ST6GALNAC4: variants seen among roughly 807,000 people sequenced by gnomAD.
The protein encoded by ST6GALNAC4 is ST6 N-acetylgalactosaminide alpha-2,6-sialyltransferase 4, also known as alpha-N-acetyl-neuraminyl-2,3-beta-galactosyl-1,3-N-acetyl-galactosaminide alpha-2,6-sialyltransferase.
Under a neutral mutation model 30.4 loss-of-function variants are expected in ST6GALNAC4, and 24 were observed. That is an observed-to-expected ratio of 0.79 (90% CI 0.57 to 1.11). ST6GALNAC4 has a LOEUF of 1.11. Among genes scored for constraint, ST6GALNAC4 ranks in the 50% most tolerant of loss-of-function variants. The pLI is 0.00. For missense variants in ST6GALNAC4, 365 were observed against 430.1 expected, an observed-to-expected ratio of 0.85 and a Z score of 1.34; for synonymous variants, 156 against 179.7, an observed-to-expected ratio of 0.87 and a Z score of 1.05.
intron 3 of ST6GALNAC4, 139 bp downstream of exon 3, chr9:127,914,517 A>G: frequency 3.9e-6 from 2 of 511,692 alleles, no homozygotes; most frequent in Non-Finnish European, 3.1e-6. Flanking sequence ...AAAAAAAAAA[A>G]AAGAACCTAG....
rs567070989 is a variant in ST6GALNAC4 at position 127,909,864 on chromosome 9, C to T, written c.719+87G>A. 14 of 1,327,438 alleles carry T rather than the reference C, an allele frequency of 1.1e-5. No individual in the cohort carries two copies. The East Asian group carries it at 2.7e-4, about 25-fold the overall frequency. 82.2% of individuals were successfully genotyped at this position (1,327,438 alleles called of 1,614,324 possible). ...CATGAAGCCCACACTCCCTCTGCCCCCACAGCTCCCAAATCCTCTGGTTTA... is the reference window on the plus strand; with the variant it reads ...CATGAAGCCCACACTCCCTCTGCCCTCACAGCTCCCAAATCCTCTGGTTTA... On this transcript the variant is annotated intron_variant, in intron 5 of 5. Coordinates refer to ENST00000335791, the MANE Select transcript of ST6GALNAC4 (RefSeq NM_175039.4).
chr9:127,914,771 GC>G lies in ST6GALNAC4; in HGVS notation c.82del (p.Ala28ProfsTer76), dbSNP rs1831158599. ...GGTGGCCAGGCAGAGGGGCAGGCCG[GC>G]CCAGCAGCACAGGAGGATGTAGACG... ...SAVYILLCCW[A>X]GLPLCLATCL... On this transcript the variant is annotated frameshift_variant, in exon 3 of 6. Coordinates refer to ENST00000335791, the MANE Select transcript of ST6GALNAC4 (RefSeq NM_175039.4). LOFTEE classifies it high-confidence loss of function. 1 of 1,604,746 alleles carries G rather than the reference GC, an allele frequency of 6.2e-7. No individual in the cohort carries two copies. Among genetic ancestry groups the G allele is most frequent in the Admixed American group, 1.7e-5 (1 of 58,774 alleles).
intron 3 of ST6GALNAC4, among the ~76,000 whole-genome samples, chr9:127,913,884 C>A (rs1425045152): frequency 6.6e-6 from 1 of 152,214 alleles, no homozygotes; most frequent in Non-Finnish European, 1.5e-5. Flanking sequence ...CCAGGATGTA[C>A]CCCGGCCTGC....
intron 2 of ST6GALNAC4, chr9:127,916,089 C>T (rs1357654301): frequency 1.0e-5 from 5 of 488,232 alleles, no homozygotes; most frequent in Admixed American, 3.5e-5. Flanking sequence ...TCTCACAGCC[C>T]GGGGCTTCTG....
At chr9:127,910,941 G>A (rs1201086923) in intron 4 of ST6GALNAC4, among the ~76,000 whole-genome samples, 1 of 152,226 alleles carries the variant, frequency 6.6e-6, no homozygotes, top group Non-Finnish European at 1.5e-5. Flanking sequence ...GAATGCCAGG[G>A]CGGGAGGCAC....
intron 4 of ST6GALNAC4, 90 bp from the exon 5 acceptor site, chr9:127,910,148 C>A: frequency 7.0e-7 from 1 of 1,438,844 alleles, no homozygotes; most frequent in Non-Finnish European, 9.3e-7. Flanking sequence ...TTTGCCAGCC[C>A]GGGGCTATGC....
In ST6GALNAC4 at chr9:127,908,603, TG is replaced by T. The variant is rs752451366; in HGVS notation, c.720-23del. 2.6e-6 allele frequency: 4 copies of T among 1,528,030 alleles called. No homozygotes were observed. The East Asian group carries it at 9.3e-5, about 36-fold the overall frequency. The allele number at this position is 1,528,030 out of a possible 1,614,324, so 94.7% of individuals were successfully genotyped here. On this transcript the variant is annotated intron_variant, in intron 5 of 5. Transcript: ENST00000335791. ...CTCCCTGCGGGGTGGGGAACAGGGCTGGGGTGGGACAGAACCCACTCGCCTC... is the reference window on the plus strand; with the variant it reads ...CTCCCTGCGGGGTGGGGAACAGGGCTGGGTGGGACAGAACCCACTCGCCTC...
chr9:127,916,802 G>A, intron 1 of ST6GALNAC4, 24 bp downstream of exon 1: 1 of 329,182 alleles, frequency 3.0e-6, no homozygotes, highest in Non-Finnish European at 5.7e-6. Flanking sequence ...CCAGAAGCCC[G>A]GAATTCCACC....
chr9:127,915,938 G>C (rs945393289), intron 2 of ST6GALNAC4: 9 of 162,830 alleles, frequency 5.5e-5, no homozygotes, highest in African/African-American at 2.2e-4. Context: ...AGCTACGTCA[G>C]CTTCTAAAAA....
intron 3 of ST6GALNAC4, among the ~76,000 whole-genome samples, chr9:127,914,118 G>C (rs1428259490): frequency 6.6e-6 from 1 of 151,736 alleles, no homozygotes; most frequent in Non-Finnish European, 1.5e-5. Context: ...TTCTTGGGCG[G>C]GCGTGGTGGC....
rs771790374 is a variant in ST6GALNAC4 at position 127,909,256 on chromosome 9, GCA to G, written c.720-677_720-676del. ...TACAAAAAATTAGCTGGGCGTGGTG[GCA>G]CGTGCCTGTAATCCCAGCGACTAGG... On this transcript the variant is annotated intron_variant, in intron 5 of 5. Coordinates refer to ENST00000335791, the MANE Select transcript of ST6GALNAC4 (RefSeq NM_175039.4). Among the ~76,000 whole-genome samples, 6 of 152,080 alleles carry G rather than the reference GCA, an allele frequency of 3.9e-5. No homozygotes were observed. In the East Asian group the frequency reaches 5.8e-4, roughly 15 times the overall value.
intron 4 of ST6GALNAC4, among the ~76,000 whole-genome samples, chr9:127,911,913 G>A (rs575410808): frequency 5.3e-5 from 8 of 152,312 alleles, no homozygotes; most frequent in East Asian, 3.9e-4. Flanking sequence ...GTGAGCCACC[G>A]CACCCGGCCT....
chr9:127,912,780 G>T, intron 3 of ST6GALNAC4, 100 bp from the exon 4 acceptor site: 1 of 1,383,598 alleles, frequency 7.2e-7, no homozygotes, highest in Non-Finnish European at 9.5e-7. Flanking sequence ...GCTTGATCAG[G>T]TATCGGCTTG....
At position 127,914,490 on chromosome 9, in the gene ST6GALNAC4, C is replaced by CAAAAAAAAAAAA. The variant is rs60857050; in HGVS notation, c.198+154_198+165dup. 1.0e-4 allele frequency among the ~76,000 whole-genome samples: 5 copies of CAAAAAAAAAAAA among 50,120 alleles called. 1 individual carries two copies. The highest frequency in any genetic ancestry group is 1.6e-4 in the Non-Finnish European group (5 of 31,558). The allele number at this position is 50,120 out of a possible 152,430, so 32.9% of individuals were successfully genotyped here. On this transcript the variant is annotated intron_variant, in intron 3 of 5. Transcript: ENST00000335791. ...TGGGAGAAACAGAAAGACTCCGTCT[C>CAAAAAAAAAAAA]AAAAAAAAAAAAAAAAAAAAAAAAA...
chr9:127,910,554 G>A, intron 4 of ST6GALNAC4: 2 of 990,908 alleles, frequency 2.0e-6, no homozygotes, highest in Non-Finnish European at 1.2e-6. Context: ...AATTTTAGGG[G>A]GTTATAGGGA....
intron 4 of ST6GALNAC4, among the ~76,000 whole-genome samples, chr9:127,911,411 T>C (rs1377888349): frequency 6.6e-6 from 1 of 152,178 alleles, no homozygotes; most frequent in Admixed American, 6.5e-5. Context: ...CTTTTGGATA[T>C]GACATAAAAT....
chr9:127,916,332 G>A (rs914168291), intron 2 of ST6GALNAC4, 76 bp downstream of exon 2: 2 of 1,595,158 alleles, frequency 1.3e-6, no homozygotes, highest in East Asian at 2.2e-5. Flanking sequence ...GTGGGTCCTG[G>A]GGTGGAGAGG....
At chr9:127,913,690 A>T (rs1427843578) in intron 3 of ST6GALNAC4, among the ~76,000 whole-genome samples, 1 of 152,222 alleles carries the variant, frequency 6.6e-6, no homozygotes, top group Non-Finnish European at 1.5e-5. Flanking sequence ...GCACTCTGGG[A>T]GGCCAAGGTG....
intron 1 of ST6GALNAC4, 73 bp from the exon 2 acceptor site, chr9:127,916,567 G>A: frequency 1.1e-6 from 1 of 892,514 alleles, no homozygotes; most frequent in Non-Finnish European, 1.8e-6. Context: ...GAAAACTGAG[G>A]CAGGAGAGGG....
Sources: allele counts gnomAD v4.1 joint callset (sites outside exome capture counted in the v4.1 genomes callset), GRCh38; gene constraint gnomAD v4.1.1; transcripts MANE v1.5; gene names NCBI Gene and HGNC (gene_info 2026-07-23, HGNC 2026-07-21).